Variants in ATG9A observed in about 807,000 individuals in gnomAD.
ATG9A encodes the protein autophagy related 9A.
Under a neutral mutation model 87.1 loss-of-function variants are expected in ATG9A, and 21 were observed. The observed-to-expected ratio is 0.24, with a 90% confidence interval of 0.17 to 0.35. The LOEUF (loss-of-function observed/expected upper bound fraction) is 0.35, where lower values mean the gene tolerates loss of function less well. ATG9A is among the 10% of genes least tolerant of loss of function. The pLI is 1.00. For synonymous variants in ATG9A, 422 were observed against 441.3 expected (o/e 0.96, Z 0.55); for missense variants, 836 against 1,107.3 (o/e 0.76, Z 3.48).
At chr2:219,227,250 G>A (rs945378305) in intron 4 of ATG9A, among the ~76,000 whole-genome samples, 6 of 152,140 alleles carry the variant, frequency 3.9e-5, no homozygotes, top group Admixed American at 6.5e-5. Flanking sequence ...GGGTGTGGTG[G>A]CTCACGCCTG....
At chr2:219,226,129 T>G (rs1348610898) in intron 5 of ATG9A, among the ~76,000 whole-genome samples, 1 of 152,116 alleles carries the variant, frequency 6.6e-6, no homozygotes, top group African/African-American at 2.4e-5. Context: ...CTTTTTTTTT[T>G]TGAGAGAGTC....
Position 219,220,235 on chromosome 2 carries a change from TC to T in ATG9A, c.*211del. On this transcript the variant is annotated 3_prime_UTR_variant, in exon 16 of 16. Transcript: ENST00000361242. ...GGGGGTCCTGGGGATGAGGCTAGAG[TC>T]CCGTGTGCCCTCGGTTCCTAGGCCC... 1.7e-6 allele frequency: 1 copy of T among 595,910 alleles called. No individual in the cohort carries two copies. Among genetic ancestry groups the T allele is most frequent in the Non-Finnish European group, 2.9e-6 (1 of 340,876 alleles). The allele number at this position is 595,910 out of a possible 1,614,324, so 36.9% of individuals were successfully genotyped here.
rs2106439169 is a variant in ATG9A, at chr2:219,222,976, C to T, written c.1600-83G>A. The stretch of plus-strand genomic sequence containing the variant: ...CTTTCCTGTTAGTGGGGAGGCCTTA[C>T]CCTTGGAGAACGGAGACCACAGTAT... On this transcript the variant is annotated intron_variant, in intron 10 of 15. Coordinates refer to ENST00000361242, the MANE Select transcript of ATG9A (RefSeq NM_001077198.3). The surrounding 1 kb of genome is among the most constrained non-coding windows in gnomAD (Gnocchi z 4.3). 1 of 1,562,050 alleles carries T rather than the reference C, an allele frequency of 6.4e-7. No homozygotes were observed. The highest frequency in any genetic ancestry group is 1.2e-5 in the South Asian group (1 of 86,116).
chr2:219,221,712 A>C (rs1950763639), intron 13 of ATG9A, among the ~76,000 whole-genome samples: 1 of 152,182 alleles, frequency 6.6e-6, no homozygotes, highest in South Asian at 2.1e-4. Context: ...ATGGTGCTAA[A>C]TGCTATGGAG....
chr2:219,222,400 A>C lies in ATG9A; in HGVS notation c.1899T>G (p.Pro633=). The C allele has an allele frequency of 6.3e-7, 1 of 1,596,490 alleles. No individual in the cohort carries two copies. Among genetic ancestry groups the C allele is most frequent in the South Asian group, 1.1e-5 (1 of 89,238 alleles). ...NVVAGSSCRG[P]PLPRDLQGSR... ...AGCCCTGCAGGTCTCTGGGCAGTGG[A>C]GGGCCCCGGCAGGATGAGCCAGCTA... The change falls in exon 12 of 16, where the codon CCT becomes CCG. Residue 633 remains proline, a synonymous_variant. Coordinates refer to ENST00000361242, the MANE Select transcript of ATG9A (RefSeq NM_001077198.3). The surrounding 1 kb of genome is among the most constrained non-coding windows in gnomAD (Gnocchi z 4.3).
chr2:219,225,309 G>C, intron 6 of ATG9A, 97 bp from the exon 7 acceptor site: 2 of 1,599,582 alleles, frequency 1.3e-6, no homozygotes, highest in African/African-American at 1.3e-5. Context: ...GACCAAGCCT[G>C]AGTCAGTTCT....
In ATG9A at chr2:219,228,137, G is replaced by A. The variant is rs540843044; in HGVS notation, c.-29-84C>T. 2.0e-5 allele frequency: 19 copies of A among 932,456 alleles called. No individual in the cohort carries two copies. In the East Asian group the frequency reaches 4.4e-4, roughly 22 times the overall value. 57.8% of individuals were successfully genotyped at this position (932,456 alleles called of 1,614,324 possible). On this transcript the variant is annotated intron_variant, in intron 2 of 15. Coordinates refer to ENST00000361242, the MANE Select transcript of ATG9A (RefSeq NM_001077198.3). ...CCCTGCCTACTGCCAAAAGGAGAAA[G>A]TACCCTTGGGCTTTGTCCACTACCA...
chr2:219,227,816 G>C lies in ATG9A; in HGVS notation c.104-3C>G. 1 of 1,614,100 alleles carries C rather than the reference G, an allele frequency of 6.2e-7. No individual in the cohort carries two copies. The highest frequency in any genetic ancestry group is 8.5e-7 in the Non-Finnish European group (1 of 1,179,952). On this transcript the variant is annotated splice_region_variant and splice_polypyrimidine_tract_variant and intron_variant, in intron 3 of 15. Transcript: ENST00000361242. ...GTTTTCAATATGGTGCCAAGGTGCTGTGGGATAGGAACAGAGATGTCAGAG... is the reference window on the plus strand; with the variant it reads ...GTTTTCAATATGGTGCCAAGGTGCTCTGGGATAGGAACAGAGATGTCAGAG...
At chr2:219,227,541 G>A (rs985891215) in intron 4 of ATG9A, among the ~76,000 whole-genome samples, 1 of 152,006 alleles carries the variant, frequency 6.6e-6, no homozygotes, top group African/African-American at 2.4e-5. Context: ...CTCACCCTTA[G>A]AAAGGCTTCT....
In ATG9A at chr2:219,222,058, T is replaced by C; in HGVS notation, c.2137A>G (p.Met713Val). ...STEMSLHALY[M>V]HQLHKQQAQA... ...TTTAGCTGTGCACTCACCTGGTGCA[T>C]ATAGAGGGCATGCAGGCTCATCTCT... The change falls in exon 13 of 16, where the codon ATG (methionine) becomes GTG (valine). Residue 713 changes from methionine (M) to valine (V), a missense_variant. Met to Val is a conservative substitution (Grantham distance 21). This residue lies in a region of ATG9A where 324 missense variants were observed against 347.6 expected (regional missense o/e 0.93). Coordinates refer to ENST00000361242, the MANE Select transcript of ATG9A (RefSeq NM_001077198.3). This position sits in a 1 kb window ranked among gnomAD's most constrained non-coding sequence, Gnocchi z 4.3. The C allele has an allele frequency of 6.2e-7, 1 of 1,613,748 alleles. No individual in the cohort carries two copies. Among genetic ancestry groups the C allele is most frequent in the African/African-American group, 1.3e-5 (1 of 75,040 alleles).
At chr2:219,221,572 G>A (rs780190102) in intron 13 of ATG9A, among the ~76,000 whole-genome samples, 33 of 152,168 alleles carry the variant, frequency 2.2e-4, no homozygotes, top group Non-Finnish European at 5.9e-5. Flanking sequence ...CTAAGTGCCA[G>A]GCACTCTTTT....
rs764801042 is a variant in ATG9A at position 219,221,097 on chromosome 2, C to T, written c.2351G>A (p.Arg784His). The change falls in exon 14 of 16, where the codon CGC becomes CAC. Residue 784 changes from arginine (R) to histidine (H), a missense_variant. Coordinates refer to ENST00000361242, the MANE Select transcript of ATG9A (RefSeq NM_001077198.3). ...CTGGATACCTGTGATGCCACCGTAG[C>T]GCCTCTGGAAGCCCCCATGCAGGGC... ...TTALHGGFQRRYGGITDPGTV... is the reference protein window; with the variant it reads ...TTALHGGFQRHYGGITDPGTV... 1.4e-5 allele frequency: 22 copies of T among 1,612,934 alleles called. 1 individual carries two copies. The East Asian group carries it at 1.6e-4, about 11-fold the overall frequency.
rs766664246 is a variant in ATG9A at position 219,221,211 on chromosome 2, C to T, written c.2237G>A (p.Gly746Glu). The T allele has an allele frequency of 6.3e-7, 1 of 1,590,870 alleles. No individual in the cohort carries two copies. Among genetic ancestry groups the T allele is most frequent in the Non-Finnish European group, 8.6e-7 (1 of 1,168,952 alleles). Residue 746 changes from glycine (G) to glutamate (E), a missense_variant, in exon 14 of 16, where the codon GGG becomes GAG. Around this residue, in one of 2 missense-constraint regions of ATG9A, gnomAD observed 324 missense variants for 347.6 expected, o/e 0.93. Transcript: ENST00000361242. Reference protein sequence around the residue: ...DESGESAPDEGGEGARAPQSI... With the variant: ...DESGESAPDEEGEGARAPQSI... Reference sequence around the variant, plus strand: ...CTGGGGGGCCCGGGCGCCCTCTCCCCCTTCATCAGGGGCGCTTTCTCCACT... The same window carrying T: ...CTGGGGGGCCCGGGCGCCCTCTCCCTCTTCATCAGGGGCGCTTTCTCCACT...
chr2:219,222,460 A>T lies in ATG9A; in HGVS notation c.1849-10T>A, dbSNP rs1318661361. 6 of 1,549,876 alleles carry T rather than the reference A, an allele frequency of 3.9e-6. 1 individual carries two copies. Among genetic ancestry groups the T allele is most frequent in the Middle Eastern group, 1.7e-4 (1 of 5,722 alleles). On this transcript the variant is annotated splice_polypyrimidine_tract_variant and intron_variant, in intron 11 of 15. Coordinates refer to ENST00000361242, the MANE Select transcript of ATG9A (RefSeq NM_001077198.3). This position sits in a 1 kb window ranked among gnomAD's most constrained non-coding sequence, Gnocchi z 4.3. ...CGATAAGGCTCAGGGGCTATGAACG[A>T]AACGGGTAGGTAGAATTCTTGAGGC...
At position 219,222,564 on chromosome 2, in the gene ATG9A, C is replaced by A; in HGVS notation, c.1848+81G>T. 6.3e-7 allele frequency: 1 copy of A among 1,591,924 alleles called. No individual in the cohort carries two copies. Among genetic ancestry groups the A allele is most frequent in the Middle Eastern group, 1.7e-4 (1 of 5,954 alleles). On this transcript the variant is annotated intron_variant, in intron 11 of 15. Coordinates refer to ENST00000361242, the MANE Select transcript of ATG9A (RefSeq NM_001077198.3). The surrounding 1 kb of genome is among the most constrained non-coding windows in gnomAD (Gnocchi z 4.3). ...ACATACTGAAGAGACAGCAGGAAGC[C>A]TTCCACCCCATGCCCGGTCCCTCAA...
In ATG9A at chr2:219,226,916, C is replaced by T. The variant is rs1345942999; in HGVS notation, c.165G>A (p.Gln55=). The T allele has an allele frequency of 6.2e-7, 1 of 1,613,770 alleles. No homozygotes were observed. Among genetic ancestry groups the T allele is most frequent in the Non-Finnish European group, 8.5e-7 (1 of 1,179,622 alleles). The change falls in exon 5 of 16, where the codon CAG becomes CAA. Residue 55 remains glutamine (Q), a synonymous_variant. Transcript: ENST00000361242. ...LFFSRVYNLH[Q]KNGFTCMLIG... is the part of the protein sequence containing the mutation. ...TGAGCATACATGTGAAGCCATTCTT[C>T]TGGTGCAGATTATAAACGTGTAATT...
Position 219,219,921 on chromosome 2 carries a change from C to G in ATG9A, c.*526G>C. On this transcript the variant is annotated 3_prime_UTR_variant, in exon 16 of 16. Transcript: ENST00000361242. ...AACAGGAGCAAGCAGCACACACAGG[C>G]CAGTGATGTGCAAGAAGCGGAGAGA... 1 of 170,332 alleles carries G rather than the reference C, an allele frequency of 5.9e-6. No homozygotes were observed. Among genetic ancestry groups the G allele is most frequent in the South Asian group, 1.4e-4 (1 of 7,008 alleles). 10.6% of individuals were successfully genotyped at this position (170,332 alleles called of 1,614,324 possible).
In ATG9A at chr2:219,222,357, C is replaced by T. The variant is rs756771383; in HGVS notation, c.1942G>A (p.Val648Ile). Residue 648 changes from valine to isoleucine, a missense_variant, in exon 12 of 16, where the codon GTC becomes ATC. By Grantham distance (29) the Val-to-Ile change is conservative. Around this residue, in one of 2 missense-constraint regions of ATG9A, gnomAD observed 324 missense variants for 347.6 expected, o/e 0.93. Coordinates refer to ENST00000361242, the MANE Select transcript of ATG9A (RefSeq NM_001077198.3). This position sits in a 1 kb window ranked among gnomAD's most constrained non-coding sequence, Gnocchi z 4.3. Reference sequence around the variant, plus strand: ...GAGAAGGAGCGCAGGGCAGAGGCGACTTCAGCCCTGTGCCTGGAGCCCTGC... The same window carrying T: ...GAGAAGGAGCGCAGGGCAGAGGCGATTTCAGCCCTGTGCCTGGAGCCCTGC... ...DLQGSRHRAE[V>I]ASALRSFSPL... is the part of the protein sequence containing the mutation. 8 of 1,612,768 alleles carry T rather than the reference C, an allele frequency of 5.0e-6. No homozygotes were observed. The highest frequency in any genetic ancestry group is 6.8e-6 in the Non-Finnish European group (8 of 1,179,822).
In ATG9A at chr2:219,222,650, A is replaced by G. The variant is rs1017018956; in HGVS notation, c.1843T>C (p.Ser615Pro). ...FTSIQSLQSE[S>P]EPLSLIANVV... Reference sequence around the variant, plus strand: ...CCCAGTCACCAGGAACACACCTCAGACTCAGATTGTAAGGACTGGATAGAC... The same window carrying G: ...CCCAGTCACCAGGAACACACCTCAGGCTCAGATTGTAAGGACTGGATAGAC... The change falls in exon 11 of 16, where the codon TCT (serine) becomes CCT (proline). Residue 615 changes from serine (S) to proline (P), a missense_variant. Physicochemically the swap from Ser to Pro is moderately conservative, Grantham distance 74 (BLOSUM62 -1). Transcript: ENST00000361242. The surrounding 1 kb of genome is among the most constrained non-coding windows in gnomAD (Gnocchi z 4.3). The G allele has an allele frequency of 1.9e-6, 3 of 1,613,942 alleles. No homozygotes were observed. Among genetic ancestry groups the G allele is most frequent in the Non-Finnish European group, 2.5e-6 (3 of 1,179,912 alleles).
Sources: gnomAD v4.1 joint callset for allele counts (sites outside exome capture counted in the v4.1 genomes callset) on GRCh38, gnomAD v4.1.1 for gene constraint, gnomAD v4.1.1 regional missense constraint, Gnocchi (gnomAD v3.1) non-coding constraint, MANE v1.5 for transcripts, NCBI Gene and HGNC (gene_info 2026-07-23, HGNC 2026-07-21) for gene names.